The following ACSL6 variants were observed in gnomAD, a reference collection of about 807,000 sequenced individuals.
ACSL6 encodes long-chain-fatty-acid--CoA ligase 6.
In ACSL6, 47 loss-of-function variants were observed where a neutral mutation model predicts 98.2. The ratio of observed to expected loss-of-function variants is 0.48; its 90% CI spans 0.38 to 0.61. ACSL6 has a LOEUF of 0.61. Ranked by LOEUF, ACSL6 falls within the 20% of genes least tolerant of loss-of-function variation. The pLI is 0.00. For missense variants in ACSL6, 761 were observed against 913.4 expected, an observed-to-expected ratio of 0.83 and a Z score of 2.15; for synonymous variants, 362 against 336.9, an observed-to-expected ratio of 1.07 and a Z score of -0.82.
At chr5:131,967,832 A>G (rs946625992) in intron 16 of ACSL6, 108 bp downstream of exon 16, 3 of 980,312 alleles carry the variant, frequency 3.1e-6, no homozygotes, top group Non-Finnish European at 4.7e-6. Context: ...AGTAGTTTAA[A>G]ATGACTTTAT....
chr5:131,968,134 T>C (rs1753118629), intron 15 of ACSL6, 106 bp from the exon 16 acceptor site: 8 of 891,658 alleles, frequency 9.0e-6, no homozygotes, highest in Non-Finnish European at 8.9e-6. Context: ...TGGGGAATTA[T>C]GGATGGAAAG....
intron 18 of ACSL6, chr5:131,960,834 A>C: frequency 4.4e-6 from 2 of 459,766 alleles, no homozygotes; most frequent in South Asian, 3.6e-5. Flanking sequence ...AAATAAGGAC[A>C]TTAAGAATCA....
At chr5:132,009,893 G>A (rs575305509) in intron 1 of ACSL6, among the ~76,000 whole-genome samples, 2 of 152,302 alleles carry the variant, frequency 1.3e-5, no homozygotes, top group South Asian at 2.1e-4. Context: ...TGCAGCCACA[G>A]AAGATCAAGT....
In ACSL6 at chr5:131,985,968, G is replaced by A. The variant is rs373822561; in HGVS notation, c.865-510C>T. On this transcript the variant is annotated intron_variant, in intron 8 of 20. Transcript: ENST00000651883. The stretch of plus-strand genomic sequence containing the variant: ...GCCCTGGCACTGGGCACATAGTCTG[G>A]GGTCACCAGAAGGAGCCCACCAAGT... Among the ~76,000 whole-genome samples, 75 of 152,340 alleles carry A rather than the reference G, an allele frequency of 4.9e-4. 1 individual carries two copies. The South Asian group carries it at 0.011, about 23-fold the overall frequency.
intron 10 of ACSL6, 104 bp downstream of exon 10, chr5:131,976,544 G>GA (rs34019873): frequency 0.091 from 71,558 of 783,064 alleles, 7 homozygotes; most frequent in East Asian, 0.2. Context: ...GTTATATCAA[G>GA]AAAAAAAAAA....
rs768582638 is a variant in ACSL6 at position 131,974,721 on chromosome 5, A to G, written c.1068+172T>C. On this transcript the variant is annotated intron_variant, in intron 11 of 20. Transcript: ENST00000651883. ...GACACCCGCTAGGGTTATGGGTTCT[A>G]GGCACAGAGTGTGCCTCCCTGATGC... The G allele has an allele frequency of 1.8e-5, 28 of 1,585,260 alleles. No individual in the cohort carries two copies. In the South Asian group the frequency reaches 3.1e-4, roughly 18 times the overall value.
chr5:131,993,841 G>C, intron 2 of ACSL6, 190 bp downstream of exon 2: 1 of 610,870 alleles, frequency 1.6e-6, no homozygotes, highest in Non-Finnish European at 2.9e-6. Context: ...CAGTTCCTGG[G>C]AGAGGCAGAA....
intron 20 of ACSL6, among the ~76,000 whole-genome samples, 180 bp downstream of exon 20, chr5:131,959,356 T>A (rs1436051584): frequency 6.6e-6 from 1 of 152,218 alleles, no homozygotes; most frequent in South Asian, 2.1e-4. Flanking sequence ...TCTTTTGATA[T>A]GTGACCTATT....
chr5:131,957,824 T>C (rs1450600140), intron 20 of ACSL6, among the ~76,000 whole-genome samples: 1 of 152,198 alleles, frequency 6.6e-6, no homozygotes, highest in East Asian at 1.9e-4. Flanking sequence ...GTTTTTGCTT[T>C]CCTGTGGTCA....
At chr5:131,969,762 T>G (rs1306106992) in intron 15 of ACSL6, among the ~76,000 whole-genome samples, 2 of 152,160 alleles carry the variant, frequency 1.3e-5, no homozygotes, top group African/African-American at 4.8e-5. Flanking sequence ...GTGATATCAA[T>G]GTCTCAAAGG....
intron 9 of ACSL6, chr5:131,983,228 T>C (rs1753996265): frequency 6.6e-6 from 1 of 152,196 alleles, no homozygotes; most frequent in Non-Finnish European, 1.5e-5. Context: ...TCCAGCTAAC[T>C]GTTATTTTGA....
At chr5:132,002,258 G>A (rs546502584) in intron 1 of ACSL6, among the ~76,000 whole-genome samples, 1 of 152,190 alleles carries the variant, frequency 6.6e-6, no homozygotes, top group Admixed American at 6.5e-5. Flanking sequence ...TTGCCTTTCC[G>A]GCCATGTCCA....
In ACSL6 at chr5:131,988,163, T is replaced by C. The variant is rs748300288; in HGVS notation, c.716A>G (p.Glu239Gly). 1 of 1,614,132 alleles carries C rather than the reference T, an allele frequency of 6.2e-7. No individual in the cohort carries two copies. Among genetic ancestry groups the C allele is most frequent in the Admixed American group, 1.7e-5 (1 of 60,022 alleles). Residue 239 changes from glutamate to glycine, a missense_variant, in exon 7 of 21, where the codon GAG becomes GGG. Transcript: ENST00000651883. ...QKAVLLLEHV[E>G]RKETPGLKLI... is the part of the protein sequence containing the mutation. The stretch of plus-strand genomic sequence containing the variant: ...CTTGAGGCCTGGAGTCTCCTTCCTC[T>C]CCACATGCTCTAGCAGAAGCACAGC...
In ACSL6 at chr5:131,966,459, C is replaced by T. The variant is rs1753017966; in HGVS notation, c.1670G>A (p.Ser557Asn). 1.2e-6 allele frequency: 2 copies of T among 1,614,226 alleles called. No individual in the cohort carries two copies. Among genetic ancestry groups the T allele is most frequent in the Non-Finnish European group, 8.5e-7 (1 of 1,180,040 alleles). ...GTCTCCAGTGTGAAGCCAGCCATCGCTGTCCAGGGCCTCCTTCGTCCTGTC... is the reference window on the plus strand; with the variant it reads ...GTCTCCAGTGTGAAGCCAGCCATCGTTGTCCAGGGCCTCCTTCGTCCTGTC... ...DPDRTKEALDSDGWLHTGDIG... is the reference protein window; with the variant it reads ...DPDRTKEALDNDGWLHTGDIG... Residue 557 changes from serine to asparagine, a missense_variant, in exon 17 of 21, where the codon AGC (serine) becomes AAC (asparagine). Transcript: ENST00000651883.
chr5:131,973,557 G>C (rs1466890596), intron 11 of ACSL6, 157 bp from the exon 12 acceptor site: 1 of 666,874 alleles, frequency 1.5e-6, no homozygotes. Context: ...GCCATCTGAG[G>C]TGACCCCCAC....
intron 13 of ACSL6, 132 bp from the exon 14 acceptor site, chr5:131,971,777 G>A: frequency 1.5e-6 from 1 of 649,564 alleles, no homozygotes. Context: ...CAGAAAGAAG[G>A]CCTGAGGTTG....
chr5:131,975,149 A>G (rs777058845), intron 10 of ACSL6, 179 bp from the exon 11 acceptor site: 72 of 1,382,204 alleles, frequency 5.2e-5, no homozygotes, highest in Non-Finnish European at 1.7e-5. Flanking sequence ...AATGAGAGAG[A>G]GAGGGAGAGA....
intron 1 of ACSL6, among the ~76,000 whole-genome samples, chr5:131,998,884 T>C (rs1754922876): frequency 6.6e-6 from 1 of 152,226 alleles, no homozygotes. Flanking sequence ...ATGCTCACAC[T>C]GAGGCTCTCC....
chr5:131,987,130 A>G (rs1015802451), intron 7 of ACSL6, among the ~76,000 whole-genome samples: 1 of 152,206 alleles, frequency 6.6e-6, no homozygotes, highest in Non-Finnish European at 1.5e-5. Flanking sequence ...TCAGACAGAC[A>G]TCTAAGCCTG....
Sources: allele counts gnomAD v4.1 joint callset (sites outside exome capture counted in the v4.1 genomes callset), GRCh38; gene constraint gnomAD v4.1.1; transcripts MANE v1.5; gene names NCBI Gene and HGNC (gene_info 2026-07-23, HGNC 2026-07-21).